KCNIP4: variants seen among roughly 807,000 people sequenced by gnomAD.
KCNIP4 encodes potassium voltage-gated channel interacting protein 4.
A neutral mutation model predicts 34.0 loss-of-function variants in KCNIP4; 12 were observed. The ratio of observed to expected loss-of-function variants is 0.35; its 90% CI spans 0.23 to 0.57. KCNIP4 has a LOEUF of 0.57. KCNIP4 is among the 20% of genes least tolerant of loss of function. The pLI is 0.83. For missense variants in KCNIP4, 238 were observed against 311.7 expected, an observed-to-expected ratio of 0.76 and a Z score of 1.78; for synonymous variants, 124 against 102.2, an observed-to-expected ratio of 1.21 and a Z score of -1.29.
At chr4:21,028,290 AAAG>A (rs1740721377) in intron 1 of KCNIP4, among the ~76,000 whole-genome samples, 1 of 152,104 alleles carries the variant, frequency 6.6e-6, no homozygotes, top group Non-Finnish European at 1.5e-5. Flanking sequence ...GTCTATTTTC[AAAG>A]AAGTAGAGTG....
chr4:20,962,360 T>G (rs1240133013), intron 1 of KCNIP4, among the ~76,000 whole-genome samples: 2 of 152,216 alleles, frequency 1.3e-5, no homozygotes, highest in Non-Finnish European at 2.9e-5. Context: ...AACCTGCAGG[T>G]TCTTGTGCTT....
intron 1 of KCNIP4, among the ~76,000 whole-genome samples, chr4:21,409,879 T>A (rs1724333123): frequency 6.6e-6 from 1 of 152,158 alleles, no homozygotes; most frequent in Non-Finnish European, 1.5e-5. Context: ...GGGTTTTGAA[T>A]GCCAGACCAA....
chr4:21,159,192 C>G (rs1020778191), intron 1 of KCNIP4, among the ~76,000 whole-genome samples: 5 of 152,070 alleles, frequency 3.3e-5, no homozygotes, highest in Admixed American at 6.6e-5. Context: ...GGAGGAATAA[C>G]AGTGCCAGAA....
intron 1 of KCNIP4, among the ~76,000 whole-genome samples, chr4:21,918,449 CTGTGGAT>C (rs1728759244): frequency 6.6e-6 from 1 of 152,072 alleles, no homozygotes; most frequent in East Asian, 1.9e-4. Context: ...AGACACGAAA[CTGTGGAT>C]TTGCTGAGTG....
intron 1 of KCNIP4, among the ~76,000 whole-genome samples, chr4:21,207,843 CTTTTTTT>C (rs531286039): frequency 8.7e-6 from 1 of 115,124 alleles, no homozygotes; most frequent in African/African-American, 3.2e-5. Context: ...TTTTCTTTTT[CTTTTTTT>C]TTTTTTTTCT....
chr4:20,958,711 C>G (rs1352646457), intron 1 of KCNIP4, among the ~76,000 whole-genome samples: 1 of 152,160 alleles, frequency 6.6e-6, no homozygotes, highest in African/African-American at 2.4e-5. Context: ...GTAAAGAGCT[C>G]TACTATTTGG....
chr4:21,740,353 A>T (rs941955813), intron 1 of KCNIP4, among the ~76,000 whole-genome samples: 11 of 151,984 alleles, frequency 7.2e-5, no homozygotes, highest in Non-Finnish European at 1.3e-4. Context: ...CCCTTCATTC[A>T]TTCTTTCTTT....
intron 1 of KCNIP4, among the ~76,000 whole-genome samples, chr4:21,817,590 C>T (rs558909695): frequency 7.9e-5 from 12 of 152,136 alleles, no homozygotes; most frequent in Non-Finnish European, 1.0e-4. Flanking sequence ...TTGCTAAATT[C>T]TTTTCCTAGC....
At chr4:21,103,972 T>C (rs957467608) in intron 1 of KCNIP4, among the ~76,000 whole-genome samples, 5 of 152,068 alleles carry the variant, frequency 3.3e-5, no homozygotes, top group African/African-American at 1.2e-4. Flanking sequence ...ATTTTCTTAA[T>C]CCAGTCTATC....
intron 1 of KCNIP4, among the ~76,000 whole-genome samples, chr4:21,738,250 C>G (rs10004658): frequency 0.094 from 14,210 of 151,756 alleles, 2,208 homozygotes; most frequent in African/African-American, 0.33. Flanking sequence ...TGTAGGATTT[C>G]AAAAGAAAAT....
At chr4:21,235,627 C>T (rs545527037) in intron 1 of KCNIP4, among the ~76,000 whole-genome samples, 3 of 152,314 alleles carry the variant, frequency 2.0e-5, no homozygotes, top group South Asian at 4.1e-4. Context: ...TTTCTCTTGA[C>T]AACACTCATT....
At chr4:21,676,903 A>C (rs1432995827) in intron 1 of KCNIP4, among the ~76,000 whole-genome samples, 1 of 152,084 alleles carries the variant, frequency 6.6e-6, no homozygotes, top group African/African-American at 2.4e-5. Flanking sequence ...AAGGTTTTTT[A>C]AAGGAAAGAG....
At chr4:21,435,998 A>T (rs1005319853) in intron 1 of KCNIP4, among the ~76,000 whole-genome samples, 4 of 152,208 alleles carry the variant, frequency 2.6e-5, no homozygotes, top group African/African-American at 9.6e-5. Context: ...GCGAGCTCCC[A>T]GATCGTCTTC....
intron 1 of KCNIP4, among the ~76,000 whole-genome samples, chr4:21,908,008 T>C (rs1337778517): frequency 6.6e-6 from 1 of 152,158 alleles, no homozygotes; most frequent in Non-Finnish European, 1.5e-5. Context: ...TGTGCAAACT[T>C]TTTTTGTTCA....
chr4:20,771,514 G>T (rs1237005053), intron 3 of KCNIP4, among the ~76,000 whole-genome samples: 2 of 152,162 alleles, frequency 1.3e-5, no homozygotes, highest in Non-Finnish European at 2.9e-5. Flanking sequence ...TTTACAGGTT[G>T]CTGACAAGTT....
At chr4:21,034,641 C>G (rs551978996) in intron 1 of KCNIP4, among the ~76,000 whole-genome samples, 2 of 152,284 alleles carry the variant, frequency 1.3e-5, no homozygotes, top group African/African-American at 2.4e-5. Flanking sequence ...TGGTTTCTGT[C>G]AGTCACCAAT....
chr4:21,304,061 G>GAGAGAGAGAC (rs1712095921), intron 1 of KCNIP4: 1 of 396,332 alleles, frequency 2.5e-6, no homozygotes, highest in African/African-American at 4.8e-5. Flanking sequence ...GAGAGAGAGA[G>GAGAGAGAGAC]AGAGAGACAG....
At chr4:21,033,259 A>G (rs1018120041) in intron 1 of KCNIP4, among the ~76,000 whole-genome samples, 1 of 152,146 alleles carries the variant, frequency 6.6e-6, no homozygotes, top group South Asian at 2.1e-4. Context: ...TCTCCACAAA[A>G]CAAGTATGAA....
intron 1 of KCNIP4, among the ~76,000 whole-genome samples, chr4:21,042,042 A>G (rs1163459066): frequency 1.3e-5 from 2 of 152,226 alleles, no homozygotes; most frequent in African/African-American, 2.4e-5. Context: ...CAATGCTTCC[A>G]TCAGGGCTTG....
Sources: gnomAD v4.1 joint callset for allele counts (sites outside exome capture counted in the v4.1 genomes callset) on GRCh38, gnomAD v4.1.1 for gene constraint, MANE v1.5 for transcripts, NCBI Gene and HGNC (gene_info 2026-07-23, HGNC 2026-07-21) for gene names.